Variants in RAI1 observed in about 807,000 individuals in gnomAD.
The protein encoded by RAI1 is retinoic acid-induced protein 1.
In RAI1, 9 loss-of-function variants were observed where a neutral mutation model predicts 123.8. The observed-to-expected ratio is 0.07, with a 90% CI of 0.04 to 0.13. The LOEUF is 0.13. Among genes scored for constraint, RAI1 ranks in the 10% least tolerant of loss-of-function variants. RAI1 has a pLI of 1.00. For synonymous variants in RAI1, 1,231 were observed against 1,127.3 expected (o/e 1.09, Z -1.84); for missense variants, 2,256 against 2,545.8 (o/e 0.89, Z 2.45).
rs1048269383 is a variant in RAI1 at position 17,787,081 on chromosome 17, C to T, written c.-16-5852C>T. 3.9e-5 allele frequency among the ~76,000 whole-genome samples: 6 copies of T among 152,336 alleles called. No individual in the cohort carries two copies. The East Asian group carries it at 1.2e-3, about 29-fold the overall frequency. On this transcript the variant is annotated intron_variant, in intron 2 of 5. Transcript: ENST00000353383. ...ACAAACAAAAAAACTAGCAGTCACACCTAGCCTATCTCATCCTTATCATGC... is the reference window on the plus strand; with the variant it reads ...ACAAACAAAAAAACTAGCAGTCACATCTAGCCTATCTCATCCTTATCATGC...
chr17:17,729,422 C>T (rs1916197893), intron 2 of RAI1, among the ~76,000 whole-genome samples: 1 of 152,222 alleles, frequency 6.6e-6, no homozygotes, highest in Admixed American at 6.5e-5. Context: ...CATACCTCTG[C>T]CCACTCCCAT....
chr17:17,809,202 C>T lies in RAI1; in HGVS notation c.5660-188C>T, dbSNP rs775506251. On this transcript the variant is annotated intron_variant, in intron 4 of 5. Coordinates refer to ENST00000353383, the MANE Select transcript of RAI1 (RefSeq NM_030665.4). This position sits in a 1 kb window ranked among gnomAD's most constrained non-coding sequence, Gnocchi z 4.9. The stretch of plus-strand genomic sequence containing the variant: ...GAGTCAAGACTGCCAGGCCAGGGGC[C>T]GCACCCGCGCCGTGGAGTGGAGTGG... 11 of 694,378 alleles carry T rather than the reference C, an allele frequency of 1.6e-5. No individual in the cohort carries two copies. Among genetic ancestry groups the T allele is most frequent in the Admixed American group, 4.0e-5 (2 of 49,408 alleles). 43.0% of individuals were successfully genotyped at this position (694,378 alleles called of 1,614,324 possible). A position where few individuals can be genotyped will look rare whatever the true frequency, so the allele number is the denominator to read the frequency against.
intron 1 of RAI1, among the ~76,000 whole-genome samples, chr17:17,690,672 G>A (rs1232331232): frequency 1.3e-5 from 2 of 152,192 alleles, no homozygotes; most frequent in Non-Finnish European, 2.9e-5. Flanking sequence ...GCCTATTAGT[G>A]ATAATCAGAA....
chr17:17,692,077 C>A (rs1379642202), intron 1 of RAI1, among the ~76,000 whole-genome samples: 1 of 152,228 alleles, frequency 6.6e-6, no homozygotes, highest in Non-Finnish European at 1.5e-5. Context: ...GAGTGGCTCT[C>A]TTCTTGACTC....
intron 1 of RAI1, among the ~76,000 whole-genome samples, chr17:17,704,438 A>G (rs1324248352): frequency 6.6e-6 from 1 of 152,022 alleles, no homozygotes; most frequent in Non-Finnish European, 1.5e-5. Context: ...ATGGCCCTCC[A>G]TGTGGGGGGC....
At chr17:17,790,629 A>C (rs2031979511) in intron 2 of RAI1, among the ~76,000 whole-genome samples, 1 of 152,260 alleles carries the variant, frequency 6.6e-6, no homozygotes, top group Admixed American at 6.5e-5. Flanking sequence ...AAAAAAAATA[A>C]AAAATAAAGC....
At chr17:17,770,177 C>T (rs1303414431) in intron 2 of RAI1, among the ~76,000 whole-genome samples, 2 of 152,024 alleles carry the variant, frequency 1.3e-5, no homozygotes, top group East Asian at 2.0e-4. Flanking sequence ...GGCCTCTGGC[C>T]GGGGTGCAGG....
rs775927428 is a variant in RAI1 at position 17,793,239 on chromosome 17, C to T, written c.291C>T (p.Phe97=). 15 of 1,611,678 alleles carry T rather than the reference C, an allele frequency of 9.3e-6. No individual in the cohort carries two copies. The South Asian group carries it at 1.6e-4, about 18-fold the overall frequency. Residue 97 remains phenylalanine, a synonymous_variant, in exon 3 of 6, where the codon TTC becomes TTT. Transcript: ENST00000353383. ...TQQGLQGRPA[F]PGYGVQDSSP... is the part of the protein sequence containing the mutation. The stretch of plus-strand genomic sequence containing the variant: ...AAGGCCTGCAGGGGAGGCCGGCTTT[C>T]CCTGGCTACGGCGTCCAGGACAGCA...
intron 2 of RAI1, among the ~76,000 whole-genome samples, chr17:17,784,481 A>C (rs1807999514): frequency 6.6e-6 from 1 of 152,218 alleles, no homozygotes; most frequent in South Asian, 2.1e-4. Flanking sequence ...CGTCCTGCAC[A>C]AGCCACTGGC....
At chr17:17,782,650 G>T (rs968367710) in intron 2 of RAI1, among the ~76,000 whole-genome samples, 4 of 148,610 alleles carry the variant, frequency 2.7e-5, no homozygotes, top group Admixed American at 2.7e-4. Context: ...GGACCCAGTG[G>T]GGACCGAAGC....
intron 2 of RAI1, among the ~76,000 whole-genome samples, chr17:17,750,005 G>A (rs1054521324): frequency 6.6e-6 from 1 of 152,232 alleles, no homozygotes; most frequent in Non-Finnish European, 1.5e-5. Flanking sequence ...AGTATTTCTG[G>A]TGGGTGGAGG....
chr17:17,762,924 C>G (rs74720803), intron 2 of RAI1, among the ~76,000 whole-genome samples: 420 of 152,086 alleles, frequency 2.8e-3, no homozygotes, highest in African/African-American at 9.1e-3. Context: ...TTGGCAGAGT[C>G]GATAAAGGCC....
Position 17,809,463 on chromosome 17 carries a change from G to A in RAI1, c.5709+24G>A. The A allele has an allele frequency of 6.3e-7, 1 of 1,577,638 alleles. No individual in the cohort carries two copies. The highest frequency in any genetic ancestry group is 8.7e-7 in the Non-Finnish European group (1 of 1,147,370). On this transcript the variant is annotated intron_variant, in intron 5 of 5. Transcript: ENST00000353383. The surrounding 1 kb of genome is among the most constrained non-coding windows in gnomAD (Gnocchi z 4.9). The stretch of plus-strand genomic sequence containing the variant: ...AGGTAGGGGACCACAGTGTTTTGTA[G>A]GGCGAGGGGTGTCAAGCGGGAGAGG...
rs2032336594 is a variant in RAI1 at position 17,798,225 on chromosome 17, C to T, written c.5277C>T (p.Gly1759=). 6.2e-7 allele frequency: 1 copy of T among 1,611,046 alleles called. No individual in the cohort carries two copies. Among genetic ancestry groups the T allele is most frequent in the African/African-American group, 1.3e-5 (1 of 74,892 alleles). ...CCGGGAAGCCCCCCAGGCCTGACGGCCCAGCTGACCCGGCCAAGCAGGGCC... is the reference window on the plus strand; with the variant it reads ...CCGGGAAGCCCCCCAGGCCTGACGGTCCAGCTGACCCGGCCAAGCAGGGCC... The part of the protein sequence containing the change: ...ATAGKPPRPD[G]PADPAKQGPL... Residue 1759 remains glycine, a synonymous_variant, in exon 3 of 6, where the codon GGC becomes GGT. Transcript: ENST00000353383.
At chr17:17,684,188 C>T (rs1410545264) in intron 1 of RAI1, 1 of 152,132 alleles carries the variant, frequency 6.6e-6, no homozygotes, top group Non-Finnish European at 1.5e-5. Context: ...CCTCTTTAGA[C>T]TCCCAAGCCT....
intron 1 of RAI1, among the ~76,000 whole-genome samples, chr17:17,723,534 C>G (rs1460938634): frequency 6.6e-6 from 1 of 151,492 alleles, no homozygotes; most frequent in Non-Finnish European, 1.5e-5. Flanking sequence ...CGCGCGCACT[C>G]TTACACTCAC....
At position 17,809,902 on chromosome 17, in the gene RAI1, T is replaced by TG; in HGVS notation, c.5710-63dup. 6.5e-7 allele frequency: 1 copy of TG among 1,539,756 alleles called. No homozygotes were observed. The highest frequency in any genetic ancestry group is 8.8e-7 in the Non-Finnish European group (1 of 1,142,660). The stretch of plus-strand genomic sequence containing the variant: ...TGGGGCTTAGGCGGGGGGCCCACAC[T>TG]GGGGGCGGGGCCTATGGACTGTGAA... On this transcript the variant is annotated intron_variant, in intron 5 of 5. Transcript: ENST00000353383. The surrounding 1 kb of genome is among the most constrained non-coding windows in gnomAD (Gnocchi z 4.9).
At chr17:17,687,264 G>A (rs913859323) in intron 1 of RAI1, among the ~76,000 whole-genome samples, 1 of 152,178 alleles carries the variant, frequency 6.6e-6, no homozygotes, top group Non-Finnish European at 1.5e-5. Context: ...AGGGGGCAGG[G>A]AAGCCATGTG....
rs117799081 is a variant in RAI1 at position 17,767,756 on chromosome 17, C to T, written c.-16-25177C>T. ...GACTGAAGGACATTTCTCAGGCTCC[C>T]GCCAAGAGTCTCAGTGTTTTCCTTG... On this transcript the variant is annotated intron_variant, in intron 2 of 5. Transcript: ENST00000353383. 4.4e-3 allele frequency among the ~76,000 whole-genome samples: 672 copies of T among 152,322 alleles called. 4 individuals carry two copies. The highest frequency in any genetic ancestry group is 6.1e-3 in the Non-Finnish European group (414 of 68,018).
Sources: gnomAD v4.1 joint callset for allele counts (sites outside exome capture counted in the v4.1 genomes callset) on GRCh38, gnomAD v4.1.1 for gene constraint, Gnocchi (gnomAD v3.1) non-coding constraint, MANE v1.5 for transcripts, NCBI Gene and HGNC (gene_info 2026-07-23, HGNC 2026-07-21) for gene names.